PTPRK: variants seen among roughly 807,000 people sequenced by gnomAD.
The protein encoded by PTPRK is receptor-type tyrosine-protein phosphatase kappa.
In PTPRK, 75 loss-of-function variants were observed where a neutral mutation model predicts 178.0. The observed-to-expected ratio is 0.42, with a 90% CI of 0.35 to 0.51. The LOEUF is 0.51. PTPRK is among the 20% of genes least tolerant of loss of function. PTPRK has a pLI of 0.02. For synonymous variants in PTPRK, 637 were observed against 620.6 expected (o/e 1.03, Z -0.39); for missense variants, 1,441 against 1,797.8 (o/e 0.80, Z 3.59).
chr6:128,220,902 A>T (rs996049133), intron 5 of PTPRK, among the ~76,000 whole-genome samples: 9 of 152,138 alleles, frequency 5.9e-5, no homozygotes, highest in African/African-American at 2.2e-4. Context: ...ATTTTGTAGT[A>T]TTTGTCCATT....
chr6:128,384,581 A>G (rs1838424836), intron 2 of PTPRK, among the ~76,000 whole-genome samples: 1 of 152,160 alleles, frequency 6.6e-6, no homozygotes, highest in African/African-American at 2.4e-5. Flanking sequence ...CAGTGGAAAG[A>G]GTTTGTTGTG....
chr6:128,428,132 G>A (rs1844399163), intron 1 of PTPRK, among the ~76,000 whole-genome samples: 1 of 152,068 alleles, frequency 6.6e-6, no homozygotes, highest in Non-Finnish European at 1.5e-5. Context: ...TCCTTTCCAT[G>A]TACAGTGAAA....
intron 13 of PTPRK, among the ~76,000 whole-genome samples, chr6:128,057,981 T>C (rs972512800): frequency 1.6e-4 from 25 of 152,218 alleles, no homozygotes; most frequent in African/African-American, 5.8e-4. Context: ...TATACTTATG[T>C]ATATTATTTT....
intron 2 of PTPRK, among the ~76,000 whole-genome samples, chr6:128,392,824 G>T (rs752150043): frequency 1.3e-5 from 2 of 152,086 alleles, no homozygotes; most frequent in Non-Finnish European, 2.9e-5. Flanking sequence ...ATCCAATATA[G>T]ATAGGTAATA....
chr6:128,172,579 TGTA>T (rs1462636875), intron 7 of PTPRK, among the ~76,000 whole-genome samples: 2 of 151,714 alleles, frequency 1.3e-5, no homozygotes, highest in Non-Finnish European at 1.5e-5. Flanking sequence ...AATTGGATGT[TGTA>T]GTAAGATATC....
intron 3 of PTPRK, among the ~76,000 whole-genome samples, chr6:128,301,662 G>A (rs1404542443): frequency 1.3e-5 from 2 of 151,976 alleles, no homozygotes; most frequent in Non-Finnish European, 2.9e-5. Flanking sequence ...TGCCTTTTCA[G>A]AAGAAAGTAA....
chr6:128,221,538 T>TA (rs1810424459), intron 5 of PTPRK, among the ~76,000 whole-genome samples: 1 of 147,572 alleles, frequency 6.8e-6, no homozygotes. Context: ...AAAAAAAAAA[T>TA]AATAATAATA....
chr6:128,352,632 A>T (rs1039480514), intron 2 of PTPRK, among the ~76,000 whole-genome samples: 1 of 152,052 alleles, frequency 6.6e-6, no homozygotes. Flanking sequence ...TTGCATGTGG[A>T]GTTCCCTCTG....
At chr6:128,401,473 C>A (rs181769985) in intron 1 of PTPRK, among the ~76,000 whole-genome samples, 1 of 152,080 alleles carries the variant, frequency 6.6e-6, no homozygotes, top group Admixed American at 6.5e-5. Flanking sequence ...AAAATGAATA[C>A]TAAATTTAAG....
Position 128,376,840 on chromosome 6 carries a change from C to T in PTPRK, c.223+20726G>A, listed in dbSNP as rs559226267. ...CTTCCACAAATCTCTAGGGCAGGGG[C>T]ATAATGCCACCAATCTTTTGCTAAT... On this transcript the variant is annotated intron_variant, in intron 2 of 29. Coordinates refer to ENST00000368226, the MANE Select transcript of PTPRK (RefSeq NM_002844.4). Among the ~76,000 whole-genome samples, 3 of 152,330 alleles carry T rather than the reference C, an allele frequency of 2.0e-5. 1 individual carries two copies. The South Asian group carries it at 6.2e-4, about 32-fold the overall frequency.
At chr6:127,986,580 T>C (rs6905941) in intron 21 of PTPRK, among the ~76,000 whole-genome samples, 36,708 of 152,086 alleles carry the variant, frequency 0.24, 5,567 homozygotes, top group Non-Finnish European at 0.32. Context: ...TTTTCCTTCC[T>C]TTTTTTAGAA....
intron 2 of PTPRK, among the ~76,000 whole-genome samples, chr6:128,332,204 A>T (rs929751213): frequency 1.3e-5 from 2 of 152,188 alleles, no homozygotes; most frequent in Admixed American, 1.3e-4. Context: ...TACTTTGACG[A>T]ACAAAATTTC....
intron 21 of PTPRK, among the ~76,000 whole-genome samples, chr6:127,990,290 G>A (rs1776456706): frequency 6.6e-6 from 1 of 151,976 alleles, no homozygotes; most frequent in South Asian, 2.1e-4. Context: ...CATGCCTCTA[G>A]GCTTCTGAAA....
chr6:128,179,062 G>A (rs1448033277), intron 7 of PTPRK, among the ~76,000 whole-genome samples: 1 of 151,994 alleles, frequency 6.6e-6, no homozygotes. Flanking sequence ...GAGTTAGCCA[G>A]TGATCCACCT....
At chr6:128,315,764 T>A (rs942949956) in intron 3 of PTPRK, among the ~76,000 whole-genome samples, 1 of 152,200 alleles carries the variant, frequency 6.6e-6, no homozygotes, top group African/African-American at 2.4e-5. Context: ...GTATTTGTTT[T>A]CTAAGAATTG....
In PTPRK at chr6:128,137,130, T is replaced by C. The variant is rs147803925; in HGVS notation, c.1163-47138A>G. Among the ~76,000 whole-genome samples the C allele has an allele frequency of 3.2e-4, 49 of 152,350 alleles. No homozygotes were observed. The East Asian group carries it at 7.7e-3, about 24-fold the overall frequency. On this transcript the variant is annotated intron_variant, in intron 7 of 29. Transcript: ENST00000368226. Reference sequence around the variant, plus strand: ...CCTCCCTATTTCTCATTTAATTACTTTCTGAATACATACTAAAACAGATAG... The same window carrying C: ...CCTCCCTATTTCTCATTTAATTACTCTCTGAATACATACTAAAACAGATAG...
intron 2 of PTPRK, among the ~76,000 whole-genome samples, chr6:128,333,195 C>A (rs969256827): frequency 1.3e-5 from 2 of 152,128 alleles, no homozygotes; most frequent in Non-Finnish European, 2.9e-5. Context: ...GGCCTGTATT[C>A]CCTGGAAACT....
intron 3 of PTPRK, among the ~76,000 whole-genome samples, chr6:128,274,644 A>G (rs1434242358): frequency 6.6e-6 from 1 of 152,102 alleles, no homozygotes. Flanking sequence ...CACTATATAA[A>G]TAAACTTAAA....
intron 6 of PTPRK, among the ~76,000 whole-genome samples, chr6:128,191,122 A>C (rs1803716896): frequency 6.6e-6 from 1 of 152,224 alleles, no homozygotes; most frequent in South Asian, 2.1e-4. Context: ...AAGTAGGTAG[A>C]AAACTTTAGA....
Sources: gnomAD v4.1 joint callset for allele counts (sites outside exome capture counted in the v4.1 genomes callset) on GRCh38, gnomAD v4.1.1 for gene constraint, MANE v1.5 for transcripts, NCBI Gene and HGNC (gene_info 2026-07-23, HGNC 2026-07-21) for gene names.